Variants in IL1RL2 observed in about 807,000 individuals in gnomAD.
The protein encoded by IL1RL2 is interleukin-1 receptor-like 2.
A neutral mutation model predicts 66.8 loss-of-function variants in IL1RL2; 68 were observed. That is an observed-to-expected ratio of 1.02 (90% CI 0.84 to 1.25). IL1RL2 has a LOEUF of 1.25. Ranked by LOEUF, IL1RL2 falls within the 50% of genes most tolerant of loss-of-function variation. The pLI is 0.00. For synonymous variants in IL1RL2, 305 were observed against 264.6 expected, an observed-to-expected ratio of 1.15 and a Z score of -1.48; for missense variants, 729 against 709.3, an observed-to-expected ratio of 1.03 and a Z score of -0.32.
intron 8 of IL1RL2, among the ~76,000 whole-genome samples, chr2:102,222,582 G>A (rs1690235995): frequency 1.3e-5 from 2 of 152,182 alleles, no homozygotes; most frequent in African/African-American, 2.4e-5. Flanking sequence ...CTACCCCACA[G>A]AACAGAGAGC....
intron 4 of IL1RL2, among the ~76,000 whole-genome samples, chr2:102,199,899 C>T (rs1200181262): frequency 1.3e-5 from 2 of 152,054 alleles, no homozygotes; most frequent in Non-Finnish European, 2.9e-5. Context: ...TGGCTTATGC[C>T]TGTAATCCTA....
chr2:102,220,154 C>G, intron 8 of IL1RL2, 137 bp downstream of exon 8: 1 of 710,162 alleles, frequency 1.4e-6, no homozygotes, highest in Non-Finnish European at 2.1e-6. Context: ...AGTATGAAAT[C>G]TAGGGAAAAT....
At position 102,195,618 on chromosome 2, in the gene IL1RL2, T is replaced by TTTCTTTCC. The variant is rs1491469018; in HGVS notation, c.489+3505_489+3506insCTTCTTTC. Among the ~76,000 whole-genome samples the TTTCTTTCC allele has an allele frequency of 1.6e-3, 26 of 16,392 alleles. 1 individual carries two copies. Among genetic ancestry groups the TTTCTTTCC allele is most frequent in the African/African-American group, 4.2e-3 (25 of 5,940 alleles). 10.8% of individuals were successfully genotyped at this position (16,392 alleles called of 152,430 possible). On this transcript the variant is annotated intron_variant, in intron 4 of 11. Coordinates refer to ENST00000264257, the MANE Select transcript of IL1RL2 (RefSeq NM_003854.4). ...CTTTCTTTCTTTCTTTCTTTCTTTC[T>TTTCTTTCC]TTCTTTCTTTCTCTCTCTCTCTCTC...
At chr2:102,198,755 G>A (rs982635540) in intron 4 of IL1RL2, among the ~76,000 whole-genome samples, 10 of 151,832 alleles carry the variant, frequency 6.6e-5, no homozygotes, top group Non-Finnish European at 1.2e-4. Context: ...TTTCAGCTGC[G>A]GTCATCTTCT....
In IL1RL2 at chr2:102,187,146, G is replaced by A. The variant is rs1303198219; in HGVS notation, c.-13+60G>A. ...CATGGGTGGGGCCCTGACAGTAGGAGAGGTGTGCAGGAAAAGACGTGGCAA... is the reference window on the plus strand; with the variant it reads ...CATGGGTGGGGCCCTGACAGTAGGAAAGGTGTGCAGGAAAAGACGTGGCAA... On this transcript the variant is annotated intron_variant, in intron 1 of 11. Coordinates refer to ENST00000264257, the MANE Select transcript of IL1RL2 (RefSeq NM_003854.4). 8 of 1,276,642 alleles carry A rather than the reference G, an allele frequency of 6.3e-6. No homozygotes were observed. The East Asian group carries it at 3.9e-4, about 63-fold the overall frequency. 79.1% of individuals were successfully genotyped at this position (1,276,642 alleles called of 1,614,324 possible). A position where few individuals can be genotyped will look rare whatever the true frequency, so the allele number is the denominator to read the frequency against.
intron 3 of IL1RL2, among the ~76,000 whole-genome samples, chr2:102,189,692 A>G (rs1050172213): frequency 7.2e-5 from 11 of 152,146 alleles, no homozygotes; most frequent in Non-Finnish European, 1.5e-4. Flanking sequence ...ATCTCGGCTC[A>G]CTGCAACCTC....
downstream of IL1RL2, among the ~76,000 whole-genome samples, chr2:102,240,964 A>G (rs566019538): frequency 3.3e-5 from 5 of 152,404 alleles, no homozygotes; most frequent in South Asian, 1.0e-3. Context: ...TGAGCTCGGC[A>G]AACAAGGACT....
chr2:102,223,406 T>G (rs1184820348), intron 8 of IL1RL2, among the ~76,000 whole-genome samples: 12 of 152,342 alleles, frequency 7.9e-5, no homozygotes, highest in East Asian at 7.7e-4. Flanking sequence ...GTATTACTTA[T>G]GCTCACTCAC....
rs544842124 is a variant in IL1RL2 at position 102,201,978 on chromosome 2, C to A, written c.649+263C>A. ...TTTGTGAAAATTAAATGAGATCATG[C>A]ACATAGACTAGCTGCTGGGGTACCT... On this transcript the variant is annotated intron_variant, in intron 5 of 11. Coordinates refer to ENST00000264257, the MANE Select transcript of IL1RL2 (RefSeq NM_003854.4). Among the ~76,000 whole-genome samples the A allele has an allele frequency of 2.0e-5, 3 of 152,282 alleles. No homozygotes were observed. In the East Asian group the frequency reaches 5.8e-4, roughly 29 times the overall value.
intron 6 of IL1RL2, among the ~76,000 whole-genome samples, chr2:102,218,650 T>C (rs1310492889): frequency 6.6e-6 from 1 of 152,200 alleles, no homozygotes; most frequent in East Asian, 1.9e-4. Flanking sequence ...ATGCATAAAA[T>C]ACTTTGTGAA....
In IL1RL2 at chr2:102,212,192, A is replaced by C. The variant is rs1457023214; in HGVS notation, c.724+18A>C. The C allele has an allele frequency of 1.3e-6, 2 of 1,555,312 alleles. No homozygotes were observed. The highest frequency in any genetic ancestry group is 1.4e-5 in the African/African-American group (1 of 73,694). The stretch of plus-strand genomic sequence containing the variant: ...ACAGCTTGGTGAGTAAAATTATTGA[A>C]GCCATTGAAATCACCAGGGGAAGAG... On this transcript the variant is annotated intron_variant, in intron 6 of 11. Coordinates refer to ENST00000264257, the MANE Select transcript of IL1RL2 (RefSeq NM_003854.4).
chr2:102,239,356 C>CA lies in IL1RL2; in HGVS notation c.*116dup. 1 of 930,140 alleles carries CA rather than the reference C, an allele frequency of 1.1e-6. No homozygotes were observed. The highest frequency in any genetic ancestry group is 1.8e-6 in the Non-Finnish European group (1 of 569,202). 57.6% of individuals were successfully genotyped at this position (930,140 alleles called of 1,614,324 possible). ...GGCTAGGGTTAGCATTCTAGACACC[C>CA]AGTTGAGCTCAGGCGTAGAGAAGAG... On this transcript the variant is annotated 3_prime_UTR_variant, in exon 12 of 12. Transcript: ENST00000264257.
chr2:102,207,263 A>T (rs1688783457), intron 5 of IL1RL2, among the ~76,000 whole-genome samples: 1 of 152,126 alleles, frequency 6.6e-6, no homozygotes, highest in Non-Finnish European at 1.5e-5. Flanking sequence ...CTAGTACCTG[A>T]AGTGCAAGAC....
chr2:102,188,224 G>A (rs1686876148), intron 2 of IL1RL2, among the ~76,000 whole-genome samples: 1 of 152,200 alleles, frequency 6.6e-6, no homozygotes, highest in African/African-American at 2.4e-5. Context: ...TATTTTATAA[G>A]ATAAAGCGTT....
intron 2 of IL1RL2, among the ~76,000 whole-genome samples, chr2:102,188,460 C>T (rs944023695): frequency 1.3e-5 from 2 of 151,542 alleles, no homozygotes; most frequent in African/African-American, 2.4e-5. Context: ...CGGTGGCGGG[C>T]GCCTGTAGTC....
At chr2:102,228,191 C>G (rs34176393) in intron 9 of IL1RL2, among the ~76,000 whole-genome samples, 2,179 of 152,214 alleles carry the variant, frequency 0.014, 55 homozygotes, top group African/African-American at 0.05. Context: ...CGAGAACTGC[C>G]CTGTAATATC....
intron 8 of IL1RL2, among the ~76,000 whole-genome samples, chr2:102,223,618 G>A (rs1690338985): frequency 6.6e-6 from 1 of 152,158 alleles, no homozygotes; most frequent in Non-Finnish European, 1.5e-5. Flanking sequence ...GAGGGCATCA[G>A]TACTCTCGAA....
intron 8 of IL1RL2, 137 bp downstream of exon 8, chr2:102,220,154 C>A (rs1689977175): frequency 1.4e-6 from 1 of 710,160 alleles, no homozygotes; most frequent in Non-Finnish European, 2.1e-6. Flanking sequence ...AGTATGAAAT[C>A]TAGGGAAAAT....
In IL1RL2 at chr2:102,233,062, T is replaced by C. The variant is rs1446096829; in HGVS notation, c.1235T>C (p.Val412Ala). 3.7e-6 allele frequency: 6 copies of C among 1,613,930 alleles called. No individual in the cohort carries two copies. The highest frequency in any genetic ancestry group is 4.5e-5 in the East Asian group (2 of 44,870). The change falls in exon 10 of 12, where the codon GTG (valine) becomes GCG (alanine). Residue 412 changes from valine (V) to alanine (A), a missense_variant. Coordinates refer to ENST00000264257, the MANE Select transcript of IL1RL2 (RefSeq NM_003854.4). ...DALVLNILPEVLERQCGYKLF... is the reference protein window; with the variant it reads ...DALVLNILPEALERQCGYKLF... ...CTGGTGTTGAATATCCTGCCCGAGG[T>C]GTTGGAGAGACAATGTGGATATAAG...
Sources: allele counts gnomAD v4.1 joint callset (sites outside exome capture counted in the v4.1 genomes callset), GRCh38; gene constraint gnomAD v4.1.1; transcripts MANE v1.5; gene names NCBI Gene and HGNC (gene_info 2026-07-23, HGNC 2026-07-21).